The following TMEM74 variants were observed in gnomAD, a reference collection of about 807,000 sequenced individuals.
The protein encoded by TMEM74 is transmembrane protein 74.
In TMEM74, 13 loss-of-function variants were observed where a neutral mutation model predicts 18.1. That is an observed-to-expected ratio of 0.72 (90% CI 0.47 to 1.14). The LOEUF is 1.14. Ranked by LOEUF, TMEM74 falls within the 50% of genes most tolerant of loss-of-function variation. The pLI is 0.00. For synonymous variants in TMEM74, 159 were observed against 146.6 expected (o/e 1.08, Z -0.61); for missense variants, 372 against 375.9 (o/e 0.99, Z 0.09).
At chr8:108,734,788 T>TC (rs1813729452) in intron 1 of TMEM74, among the ~76,000 whole-genome samples, 1 of 152,210 alleles carries the variant, frequency 6.6e-6, no homozygotes, top group Non-Finnish European at 1.5e-5. Flanking sequence ...CACTTGAGAC[T>TC]CTGCAGCCTT....
In TMEM74 at chr8:108,783,851, T is replaced by C. The variant is rs1283005093; in HGVS notation, c.*330A>G. 5.4e-6 allele frequency: 1 copy of C among 184,548 alleles called. No individual in the cohort carries two copies. Among genetic ancestry groups the C allele is most frequent in the African/African-American group, 2.4e-5 (1 of 42,272 alleles). 11.4% of individuals were successfully genotyped at this position (184,548 alleles called of 1,614,324 possible). ...GTAGGACCACCTAGTGTCCAAAGAA[T>C]AACATCATATATTTGTGTAAAAGAA... On this transcript the variant is annotated 3_prime_UTR_variant, in exon 2 of 2. Transcript: ENST00000297459.
At chr8:108,673,377 G>C (rs1813022321) in intron 1 of TMEM74, among the ~76,000 whole-genome samples, 1 of 152,104 alleles carries the variant, frequency 6.6e-6, no homozygotes, top group South Asian at 2.1e-4. Context: ...TCAGACACAG[G>C]GCCTACAGTG....
chr8:108,717,600 G>T (rs190125082), intron 1 of TMEM74, among the ~76,000 whole-genome samples: 16 of 152,290 alleles, frequency 1.1e-4, no homozygotes, highest in Admixed American at 2.0e-4. Context: ...GAATGCTGGG[G>T]ATGGGAGAGT....
chr8:108,698,959 A>G, intron 1 of TMEM74, among the ~76,000 whole-genome samples: 1 of 152,144 alleles, frequency 6.6e-6, no homozygotes, highest in East Asian at 1.9e-4. Context: ...ACTCCCTGGA[A>G]AAGCTGACCA....
At chr8:108,734,839 A>G (rs1483277315) in intron 1 of TMEM74, among the ~76,000 whole-genome samples, 1 of 152,188 alleles carries the variant, frequency 6.6e-6, no homozygotes, top group East Asian at 1.9e-4. Context: ...AGGCCTGTGT[A>G]TGGCACTAGG....
intron 2 of TMEM74, among the ~76,000 whole-genome samples, chr8:108,620,606 A>G (rs1490348463): frequency 6.6e-6 from 1 of 151,976 alleles, no homozygotes; most frequent in Non-Finnish European, 1.5e-5. Context: ...TGGCATTTAA[A>G]CTCAGGTCTG....
At chr8:108,719,285 TTAACTACCTA>T (rs1258132746) in intron 1 of TMEM74, among the ~76,000 whole-genome samples, 1 of 151,904 alleles carries the variant, frequency 6.6e-6, no homozygotes, top group East Asian at 1.9e-4. Flanking sequence ...ATTATCATGA[TTAACTACCTA>T]TTTTGTTAAT....
rs1434858987 is a variant in TMEM74 at position 108,779,794 on chromosome 8, T to C, written c.*4387A>G. Among the ~76,000 whole-genome samples the C allele has an allele frequency of 1.3e-5, 2 of 152,168 alleles. No individual in the cohort carries two copies. Among genetic ancestry groups the C allele is most frequent in the Non-Finnish European group, 2.9e-5 (2 of 68,028 alleles). ...GTGCACATAAATCTGCACACAAACA[T>C]AAACCACGAGTACACTCTTGAGTGT... On this transcript the variant is annotated 3_prime_UTR_variant, in exon 2 of 2. Transcript: ENST00000297459.
At chr8:108,667,136 G>T (rs1812957050) in intron 1 of TMEM74, among the ~76,000 whole-genome samples, 1 of 152,062 alleles carries the variant, frequency 6.6e-6, no homozygotes, top group African/African-American at 2.4e-5. Context: ...AAGTGGCCAG[G>T]GTCACAGTGG....
intron 1 of TMEM74, among the ~76,000 whole-genome samples, chr8:108,759,471 G>A (rs1814015539): frequency 6.6e-6 from 1 of 152,046 alleles, no homozygotes; most frequent in African/African-American, 2.4e-5. Flanking sequence ...GTTTGTAATA[G>A]CAAAACTTTT....
chr8:108,753,360 A>G (rs1813922494), intron 1 of TMEM74, among the ~76,000 whole-genome samples: 1 of 152,004 alleles, frequency 6.6e-6, no homozygotes, highest in African/African-American at 2.4e-5. Context: ...TTTTCTTATT[A>G]TGCCTGGATG....
At chr8:108,723,588 TA>T (rs1813606355) in intron 1 of TMEM74, among the ~76,000 whole-genome samples, 1 of 152,194 alleles carries the variant, frequency 6.6e-6, no homozygotes, top group Non-Finnish European at 1.5e-5. Flanking sequence ...CAATCAACTA[TA>T]AATGGCTTTC....
intron 2 of TMEM74, among the ~76,000 whole-genome samples, chr8:108,610,169 C>T (rs2928835): frequency 0.21 from 32,122 of 151,990 alleles, 3,436 homozygotes; most frequent in East Asian, 0.27. Context: ...TGAAGATTAT[C>T]GAAGGAGCAC....
intron 1 of TMEM74, among the ~76,000 whole-genome samples, chr8:108,693,125 T>C (rs1813246914): frequency 2.0e-5 from 3 of 152,246 alleles, no homozygotes; most frequent in Admixed American, 6.5e-5. Context: ...GTAAAGGTGC[T>C]GAGATGAAGA....
chr8:108,712,439 T>G (rs980000127), intron 1 of TMEM74, among the ~76,000 whole-genome samples: 8 of 152,194 alleles, frequency 5.3e-5, no homozygotes, highest in Admixed American at 3.3e-4. Context: ...TCATGTTTTA[T>G]TCACATGAAT....
chr8:108,729,462 A>G lies in TMEM74; in HGVS notation n.119+58014T>C, dbSNP rs553270693. On this transcript the variant is annotated intron_variant and non_coding_transcript_variant, in intron 1 of 3. Coordinates refer to the TMEM74 transcript ENST00000518838. Reference sequence around the variant, plus strand: ...ATAATCTTTTTGGAATGTTCATCACATCTGCAAAGTTCCTTTGCCATGTAA... The same window carrying G: ...ATAATCTTTTTGGAATGTTCATCACGTCTGCAAAGTTCCTTTGCCATGTAA... 7.7e-4 allele frequency among the ~76,000 whole-genome samples: 118 copies of G among 152,360 alleles called. 1 individual carries two copies. The highest frequency in any genetic ancestry group is 1.4e-3 in the South Asian group (7 of 4,828).
At chr8:108,669,563 G>T (rs1812982207) in intron 1 of TMEM74, among the ~76,000 whole-genome samples, 2 of 152,170 alleles carry the variant, frequency 1.3e-5, no homozygotes, top group Non-Finnish European at 2.9e-5. Context: ...AGCAGATTCT[G>T]ATTAGAACAA....
At chr8:108,711,650 C>A (rs147781946) in intron 1 of TMEM74, among the ~76,000 whole-genome samples, 1 of 152,228 alleles carries the variant, frequency 6.6e-6, no homozygotes, top group African/African-American at 2.4e-5. Context: ...TTTGGCAAGG[C>A]CACTGGGGAG....
chr8:108,723,029 T>A (rs1401817352), intron 1 of TMEM74, among the ~76,000 whole-genome samples: 3 of 152,146 alleles, frequency 2.0e-5, no homozygotes, highest in African/African-American at 7.2e-5. Flanking sequence ...AGGTAGAGTG[T>A]TCCTTACAGG....
Sources: gnomAD v4.1 joint callset for allele counts (sites outside exome capture counted in the v4.1 genomes callset) on GRCh38, gnomAD v4.1.1 for gene constraint, MANE v1.5 for transcripts, NCBI Gene and HGNC (gene_info 2026-07-23, HGNC 2026-07-21) for gene names.